Variants in PTPN2 observed in about 807,000 individuals in gnomAD.
PTPN2 encodes tyrosine-protein phosphatase non-receptor type 2.
PTPN2 carries 19 observed loss-of-function variants against 57.3 expected under a neutral mutation model. That is an observed-to-expected ratio of 0.33 (90% CI 0.23 to 0.49). The LOEUF is 0.49. PTPN2 is among the 20% of genes least tolerant of loss of function. PTPN2 has a pLI of 0.99. For synonymous variants in PTPN2, 153 were observed against 164.9 expected, an observed-to-expected ratio of 0.93 and a Z score of 0.55; for missense variants, 358 against 501.1, an observed-to-expected ratio of 0.71 and a Z score of 2.73.
chr18:12,809,509 G>A (rs1253809920), intron 7 of PTPN2, among the ~76,000 whole-genome samples: 2 of 152,312 alleles, frequency 1.3e-5, no homozygotes, highest in Non-Finnish European at 2.9e-5. Context: ...AGTGGCAAGT[G>A]GTAGAGGCAG....
At chr18:12,813,127 A>G (rs946832300) in intron 7 of PTPN2, among the ~76,000 whole-genome samples, 1 of 152,140 alleles carries the variant, frequency 6.6e-6, no homozygotes, top group African/African-American at 2.4e-5. Context: ...GGAAGGCGGC[A>G]TGCAGGCTGT....
intron 3 of PTPN2, among the ~76,000 whole-genome samples, chr18:12,834,339 A>G (rs1568127499): frequency 6.6e-6 from 1 of 151,372 alleles, no homozygotes. Flanking sequence ...AAAAAAAAAA[A>G]AAGAAAGTTA....
chr18:12,798,582 A>G (rs1307414684), intron 8 of PTPN2, among the ~76,000 whole-genome samples: 1 of 152,216 alleles, frequency 6.6e-6, no homozygotes, highest in Non-Finnish European at 1.5e-5. Context: ...TACAAAGGAC[A>G]TGATCTCATT....
intron 1 of PTPN2, among the ~76,000 whole-genome samples, chr18:12,860,963 T>C (rs2043787015): frequency 6.6e-6 from 1 of 152,160 alleles, no homozygotes; most frequent in Non-Finnish European, 1.5e-5. Context: ...TTTGCTCACA[T>C]TATTACATGT....
Position 12,884,160 on chromosome 18 carries a change from GC to G in PTPN2, c.-20del. On this transcript the variant is annotated 5_prime_UTR_variant, in exon 1 of 9. Coordinates refer to ENST00000309660, the MANE Select transcript of PTPN2 (RefSeq NM_002828.4). Reference sequence around the variant, plus strand: ...TGGGCATGGCTGCGGGAGCGAGCTGGCGCGAGCAGAGCCTGCGCCGGCGGAG... The same window carrying G: ...TGGGCATGGCTGCGGGAGCGAGCTGGGCGAGCAGAGCCTGCGCCGGCGGAG... 1 of 1,570,888 alleles carries G rather than the reference GC, an allele frequency of 6.4e-7. No homozygotes were observed. The highest frequency in any genetic ancestry group is 8.6e-7 in the Non-Finnish European group (1 of 1,160,500).
chr18:12,805,182 C>T (rs893486040), intron 7 of PTPN2, among the ~76,000 whole-genome samples: 7 of 152,054 alleles, frequency 4.6e-5, no homozygotes, highest in Admixed American at 1.3e-4. Context: ...AGCGGCTGGG[C>T]GTGGTGGTTC....
chr18:12,823,059 TATC>T (rs1212940386), intron 5 of PTPN2, among the ~76,000 whole-genome samples: 1 of 152,216 alleles, frequency 6.6e-6, no homozygotes, highest in Non-Finnish European at 1.5e-5. Flanking sequence ...TTCTAGAGGT[TATC>T]TACTTAGGCA....
intron 1 of PTPN2, among the ~76,000 whole-genome samples, chr18:12,882,549 T>A (rs756006389): frequency 6.6e-6 from 1 of 152,222 alleles, no homozygotes; most frequent in Non-Finnish European, 1.5e-5. Flanking sequence ...ACCTATCCCT[T>A]AGAGAGACAG....
At chr18:12,802,688 C>T (rs577975069) in intron 7 of PTPN2, among the ~76,000 whole-genome samples, 9 of 152,252 alleles carry the variant, frequency 5.9e-5, no homozygotes, top group Non-Finnish European at 1.0e-4. Context: ...AACCTGTACA[C>T]GCCAAGAAAG....
intron 7 of PTPN2, among the ~76,000 whole-genome samples, chr18:12,807,598 TATATATA>T (rs1261923891): frequency 1.1e-5 from 1 of 89,816 alleles, no homozygotes; most frequent in Admixed American, 1.3e-4. Flanking sequence ...TATATATATA[TATATATA>T]ATATAATACT....
intron 2 of PTPN2, among the ~76,000 whole-genome samples, chr18:12,847,547 A>C (rs1388466566): frequency 6.6e-6 from 1 of 152,018 alleles, no homozygotes; most frequent in East Asian, 1.9e-4. Context: ...ACTCCAGTGC[A>C]TCAATAGCCC....
intron 5 of PTPN2, among the ~76,000 whole-genome samples, chr18:12,822,601 C>T (rs371648202): frequency 2.6e-5 from 4 of 152,236 alleles, no homozygotes; most frequent in African/African-American, 9.6e-5. Context: ...GCTTAGACAA[C>T]AGCTTTACCT....
intron 1 of PTPN2, among the ~76,000 whole-genome samples, chr18:12,868,432 T>G (rs1172231650): frequency 2.0e-5 from 3 of 151,908 alleles, no homozygotes; most frequent in Non-Finnish European, 2.9e-5. Context: ...TTTTTGTATT[T>G]TTTAGTAGAG....
intron 1 of PTPN2, among the ~76,000 whole-genome samples, chr18:12,872,434 C>T (rs935376369): frequency 6.6e-6 from 1 of 152,168 alleles, no homozygotes; most frequent in South Asian, 2.1e-4. Flanking sequence ...ACAGAGCAAA[C>T]GGCATATTAA....
At chr18:12,882,319 G>A (rs1198199623) in intron 1 of PTPN2, among the ~76,000 whole-genome samples, 1 of 152,164 alleles carries the variant, frequency 6.6e-6, no homozygotes, top group Non-Finnish European at 1.5e-5. Flanking sequence ...GGATTCCTCG[G>A]TAAGAATCTA....
chr18:12,851,922 T>A (rs143894284), intron 2 of PTPN2, among the ~76,000 whole-genome samples: 96 of 152,310 alleles, frequency 6.3e-4, no homozygotes, highest in African/African-American at 2.1e-3. Flanking sequence ...GAAGACAGTA[T>A]GTCAAATGAA....
At chr18:12,874,246 G>A (rs2044387815) in intron 1 of PTPN2, among the ~76,000 whole-genome samples, 1 of 149,282 alleles carries the variant, frequency 6.7e-6, no homozygotes. Context: ...CGTCCGGGAG[G>A]GAGGTGGGGG....
chr18:12,859,456 A>G (rs531054354), intron 1 of PTPN2, among the ~76,000 whole-genome samples: 5 of 152,350 alleles, frequency 3.3e-5, no homozygotes, highest in African/African-American at 1.2e-4. Context: ...GTGAGGGATG[A>G]AAGGCTTTCA....
chr18:12,821,938 G>A lies in PTPN2; in HGVS notation c.495+3872C>T, dbSNP rs10468685. Among the ~76,000 whole-genome samples, 39 of 151,804 alleles carry A rather than the reference G, an allele frequency of 2.6e-4. 1 individual carries two copies. Among genetic ancestry groups the A allele is most frequent in the African/African-American group, 9.2e-4 (38 of 41,278 alleles). On this transcript the variant is annotated intron_variant, in intron 5 of 8. Coordinates refer to ENST00000309660, the MANE Select transcript of PTPN2 (RefSeq NM_002828.4). ...TTAAAATGTACTCTTGTGTAATGGC[G>A]GGGGGGTACCAAGGCAGCAGATAAC...
Sources: gnomAD v4.1 joint callset for allele counts (sites outside exome capture counted in the v4.1 genomes callset) on GRCh38, gnomAD v4.1.1 for gene constraint, MANE v1.5 for transcripts, NCBI Gene and HGNC (gene_info 2026-07-23, HGNC 2026-07-21) for gene names.